The following SPAG9 variants were observed in gnomAD, a reference collection of about 807,000 sequenced individuals.
The protein encoded by SPAG9 is sperm associated antigen 9.
Under a neutral mutation model 166.5 loss-of-function variants are expected in SPAG9, and 35 were observed. That is an observed-to-expected ratio of 0.21 (90% confidence interval 0.16 to 0.28). The LOEUF (loss-of-function observed/expected upper bound fraction) is 0.28. Ranked by LOEUF, SPAG9 falls within the 10% of genes least tolerant of loss-of-function variation. The pLI, the probability that SPAG9 is intolerant of heterozygous loss-of-function variation, is 1.00. For synonymous variants in SPAG9, 534 were observed against 565.5 expected, an observed-to-expected ratio of 0.94 and a Z score of 0.79; for missense variants, 1,235 against 1,603.3, an observed-to-expected ratio of 0.77 and a Z score of 3.92.
chr17:51,024,024 G>A (rs929749815), intron 6 of SPAG9, among the ~76,000 whole-genome samples: 1 of 152,168 alleles, frequency 6.6e-6, no homozygotes, highest in Non-Finnish European at 1.5e-5. Flanking sequence ...AGCCAGGCTC[G>A]GTGGCTCACG....
intron 6 of SPAG9, among the ~76,000 whole-genome samples, chr17:51,024,863 T>G (rs1312762977): frequency 6.6e-6 from 1 of 151,044 alleles, no homozygotes; most frequent in African/African-American, 2.4e-5. Flanking sequence ...ACACTTAAAA[T>G]TTTTAGAGGG....
chr17:51,009,509 T>A (rs571009556), intron 9 of SPAG9, among the ~76,000 whole-genome samples: 25 of 152,200 alleles, frequency 1.6e-4, no homozygotes, highest in Non-Finnish European at 3.2e-4. Flanking sequence ...CCTACTTGGC[T>A]TGCACGTCTT....
At chr17:51,027,498 C>T (rs2046228872) in intron 6 of SPAG9, among the ~76,000 whole-genome samples, 1 of 151,444 alleles carries the variant, frequency 6.6e-6, no homozygotes, top group South Asian at 2.1e-4. Flanking sequence ...GTCAACAGTA[C>T]ACTCATAAGA....
In SPAG9 at chr17:51,025,316, CAAAAAAAAAAA is replaced by C. The variant is rs10549685; in HGVS notation, c.784-3962_784-3952del. The stretch of plus-strand genomic sequence containing the variant: ...CTGGTGACAGGGTGAGACTCTGTCT[CAAAAAAAAAAA>C]AAAAAAAAAAAAAAAAAAATGCTAT... On this transcript the variant is annotated intron_variant, in intron 6 of 29. Transcript: ENST00000262013. Among the ~76,000 whole-genome samples, 26 of 61,120 alleles carry C rather than the reference CAAAAAAAAAAA, an allele frequency of 4.3e-4. 1 individual carries two copies. The highest frequency in any genetic ancestry group is 3.0e-3 in the East Asian group (5 of 1,670). 40.1% of individuals were successfully genotyped at this position (61,120 alleles called of 152,430 possible). A position where few individuals can be genotyped will look rare whatever the true frequency, so the allele number is the denominator to read the frequency against.
chr17:51,092,957 A>G (rs533217390), intron 1 of SPAG9, among the ~76,000 whole-genome samples: 1 of 151,630 alleles, frequency 6.6e-6, no homozygotes, highest in East Asian at 1.9e-4. Context: ...TTTTTTTTCT[A>G]AAGAAAAAAT....
intron 21 of SPAG9, among the ~76,000 whole-genome samples, chr17:50,987,954 G>T (rs998699565): frequency 6.6e-6 from 1 of 152,174 alleles, no homozygotes; most frequent in Non-Finnish European, 1.5e-5. Flanking sequence ...GGTGGCTCAC[G>T]CCTATAATCC....
intron 1 of SPAG9, among the ~76,000 whole-genome samples, chr17:51,105,630 G>A (rs1018404972): frequency 3.9e-5 from 6 of 152,030 alleles, no homozygotes; most frequent in African/African-American, 1.4e-4. Context: ...CAGCACTTTG[G>A]GAGGCGAGGT....
At chr17:51,086,771 A>G (rs2144669025) in intron 1 of SPAG9, among the ~76,000 whole-genome samples, 1 of 152,198 alleles carries the variant, frequency 6.6e-6, no homozygotes, top group South Asian at 2.1e-4. Flanking sequence ...AAAACACAAA[A>G]GTTAGCTGGG....
chr17:50,987,267 C>A, intron 21 of SPAG9, 30 bp from the exon 22 acceptor site: 2 of 1,588,568 alleles, frequency 1.3e-6, no homozygotes, highest in Non-Finnish European at 1.7e-6. Context: ...GGAAAGAAAT[C>A]TGAGTATACT....
intron 5 of SPAG9, among the ~76,000 whole-genome samples, chr17:51,033,339 A>G (rs2046459932): frequency 6.6e-6 from 1 of 151,640 alleles, no homozygotes; most frequent in Admixed American, 6.6e-5. Flanking sequence ...AAGCAGCAGG[A>G]AAACACTTAT....
intron 24 of SPAG9, among the ~76,000 whole-genome samples, chr17:50,984,594 G>A (rs1369553670): frequency 6.6e-6 from 1 of 152,192 alleles, no homozygotes; most frequent in Non-Finnish European, 1.5e-5. Flanking sequence ...GCTGAGGCAG[G>A]AGAGTGGTGT....
intron 3 of SPAG9, among the ~76,000 whole-genome samples, chr17:51,051,805 T>C (rs1197928895): frequency 6.6e-6 from 1 of 152,188 alleles, no homozygotes; most frequent in Non-Finnish European, 1.5e-5. Context: ...AATCATTTTA[T>C]AGACTCTTTC....
intron 1 of SPAG9, among the ~76,000 whole-genome samples, chr17:51,081,959 C>A (rs1289044237): frequency 6.6e-6 from 1 of 152,154 alleles, no homozygotes; most frequent in African/African-American, 2.4e-5. Flanking sequence ...TCAGCACTTG[C>A]TTCCTACTAC....
chr17:51,096,172 C>T (rs1034998822), intron 1 of SPAG9, among the ~76,000 whole-genome samples: 13 of 150,134 alleles, frequency 8.7e-5, no homozygotes, highest in African/African-American at 3.2e-4. Context: ...ATGGTAAAAC[C>T]CTGACTCTAC....
intron 9 of SPAG9, among the ~76,000 whole-genome samples, chr17:51,009,936 T>A (rs2144055597): frequency 6.6e-6 from 1 of 152,336 alleles, no homozygotes; most frequent in East Asian, 1.9e-4. Context: ...AAAATTTCAT[T>A]TTGAAATGAT....
At chr17:51,111,422 A>C (rs1346194121) in intron 1 of SPAG9, among the ~76,000 whole-genome samples, 1 of 152,184 alleles carries the variant, frequency 6.6e-6, no homozygotes, top group East Asian at 1.9e-4. Context: ...AGCAGCATGT[A>C]GTTAAAGGTA....
chr17:51,096,054 G>GAT (rs1205885218), intron 1 of SPAG9, among the ~76,000 whole-genome samples: 118 of 135,566 alleles, frequency 8.7e-4, no homozygotes, highest in South Asian at 3.2e-3. Flanking sequence ...TATATATAGT[G>GAT]ATATATATAT....
At chr17:51,107,346 G>C (rs2048981429) in intron 1 of SPAG9, among the ~76,000 whole-genome samples, 1 of 151,084 alleles carries the variant, frequency 6.6e-6, no homozygotes, top group Admixed American at 6.6e-5. Flanking sequence ...CCAGGAGTTT[G>C]AGACCAGCCT....
At chr17:51,092,883 A>G (rs900121580) in intron 1 of SPAG9, among the ~76,000 whole-genome samples, 6 of 152,008 alleles carry the variant, frequency 3.9e-5, no homozygotes, top group African/African-American at 1.4e-4. Flanking sequence ...AGCTGCAGTG[A>G]GCTATGATCA....
Sources: allele counts gnomAD v4.1 joint callset (sites outside exome capture counted in the v4.1 genomes callset), GRCh38; gene constraint gnomAD v4.1.1; transcripts MANE v1.5; gene names NCBI Gene and HGNC (gene_info 2026-07-23, HGNC 2026-07-21).